INPP4B: variants seen among roughly 807,000 people sequenced by gnomAD.
INPP4B encodes the protein inositol polyphosphate-4-phosphatase type II B, also known as inositol polyphosphate 4-phosphatase type II.
A neutral mutation model predicts 122.5 loss-of-function variants in INPP4B; 55 were observed. The ratio of observed to expected loss-of-function variants is 0.45; its 90% CI spans 0.36 to 0.56. The LOEUF (loss-of-function observed/expected upper bound fraction) is 0.56, where lower values mean the gene tolerates loss of function less well. Ranked by LOEUF, INPP4B falls within the 20% of genes least tolerant of loss-of-function variation. The pLI is 0.00. For synonymous variants in INPP4B, 403 were observed against 388.7 expected (o/e 1.04, Z -0.43); for missense variants, 1,000 against 1,097.7 (o/e 0.91, Z 1.26).
chr4:142,313,758 G>A (rs1405330859), intron 8 of INPP4B, among the ~76,000 whole-genome samples: 5 of 152,216 alleles, frequency 3.3e-5, no homozygotes, highest in African/African-American at 1.2e-4. Flanking sequence ...TAGTCCCAAG[G>A]AAGAGATGAG....
intron 25 of INPP4B, among the ~76,000 whole-genome samples, chr4:142,047,387 A>C (rs1484577387): frequency 2.0e-5 from 3 of 152,092 alleles, no homozygotes; most frequent in African/African-American, 7.2e-5. Flanking sequence ...CAGAGCTTGG[A>C]AAAAGGGTAT....
At chr4:142,106,606 G>T (rs1180534854) in intron 23 of INPP4B, among the ~76,000 whole-genome samples, 1 of 152,150 alleles carries the variant, frequency 6.6e-6, no homozygotes, top group Admixed American at 6.6e-5. Flanking sequence ...ATTGTTTTAA[G>T]TATAGCACTG....
chr4:142,692,060 C>G (rs1760262321), intron 2 of INPP4B, among the ~76,000 whole-genome samples: 1 of 152,150 alleles, frequency 6.6e-6, no homozygotes. Context: ...CTCTGTCCCA[C>G]TAAAGATTTT....
intron 7 of INPP4B, among the ~76,000 whole-genome samples, chr4:142,324,363 A>G (rs990379004): frequency 5.9e-5 from 9 of 152,116 alleles, no homozygotes; most frequent in African/African-American, 1.9e-4. Flanking sequence ...TGTGTTTTCA[A>G]CCAACAGCCT....
At chr4:142,155,567 C>T (rs1479152402) in intron 17 of INPP4B, among the ~76,000 whole-genome samples, 1 of 152,068 alleles carries the variant, frequency 6.6e-6, no homozygotes, top group Non-Finnish European at 1.5e-5. Context: ...CCTAGTGTTC[C>T]ATTATTGGAA....
At chr4:142,414,743 T>C (rs987096870) in intron 5 of INPP4B, among the ~76,000 whole-genome samples, 3 of 152,144 alleles carry the variant, frequency 2.0e-5, no homozygotes, top group Admixed American at 1.3e-4. Context: ...TCTTTTCTGG[T>C]TGTGATATCC....
intron 2 of INPP4B, among the ~76,000 whole-genome samples, chr4:142,465,269 T>G (rs1467593027): frequency 6.6e-6 from 1 of 152,192 alleles, no homozygotes; most frequent in Admixed American, 6.5e-5. Flanking sequence ...ATGGGGTCAT[T>G]CATTACTTGT....
At chr4:142,369,797 GGT>G (rs1789117276) in intron 7 of INPP4B, among the ~76,000 whole-genome samples, 1 of 151,256 alleles carries the variant, frequency 6.6e-6, no homozygotes, top group South Asian at 2.1e-4. Flanking sequence ...CAGGTGTGGT[GGT>G]GGGTACCTGT....
intron 25 of INPP4B, among the ~76,000 whole-genome samples, chr4:142,053,148 G>A (rs1755587220): frequency 6.6e-6 from 1 of 151,966 alleles, no homozygotes; most frequent in African/African-American, 2.4e-5. Flanking sequence ...CGGCCAACAG[G>A]GACTGCGTGT....
In INPP4B at chr4:142,061,340, G is replaced by A. The variant is rs561609756; in HGVS notation, c.2642+20691C>T. Reference sequence around the variant, plus strand: ...GCAGGGTCACTAGGTAATCTCCAAGGTCCTTTCCAAATGCTGCAGTCTTAA... The same window carrying A: ...GCAGGGTCACTAGGTAATCTCCAAGATCCTTTCCAAATGCTGCAGTCTTAA... On this transcript the variant is annotated intron_variant, in intron 25 of 25. Coordinates refer to ENST00000262992, the MANE Select transcript of INPP4B (RefSeq NM_001101669.3). 3.5e-4 allele frequency among the ~76,000 whole-genome samples: 54 copies of A among 152,164 alleles called. No homozygotes were observed. In the South Asian group the frequency reaches 7.7e-3, roughly 22 times the overall value.
chr4:142,274,153 T>C (rs1747251804), intron 9 of INPP4B, among the ~76,000 whole-genome samples: 1 of 151,860 alleles, frequency 6.6e-6, no homozygotes, highest in Non-Finnish European at 1.5e-5. Flanking sequence ...GCTTAATCAT[T>C]ATTCATCACC....
chr4:142,669,139 C>T lies in INPP4B; in HGVS notation c.-191+56700G>A, dbSNP rs148595066. ...AGGTGAGAGATCTGTACACTGAAAC[C>T]GTAAAATATTGATGAAAGAACTTTA... On this transcript the variant is annotated intron_variant, in intron 2 of 25. Coordinates refer to ENST00000262992, the MANE Select transcript of INPP4B (RefSeq NM_001101669.3). 1.8e-3 allele frequency among the ~76,000 whole-genome samples: 266 copies of T among 151,918 alleles called. 1 individual carries two copies. The highest frequency in any genetic ancestry group is 3.0e-3 in the Non-Finnish European group (206 of 67,962).
intron 7 of INPP4B, among the ~76,000 whole-genome samples, chr4:142,324,142 A>G (rs1408120697): frequency 1.3e-5 from 2 of 152,172 alleles, no homozygotes; most frequent in African/African-American, 4.8e-5. Context: ...AGACCATGCA[A>G]AGAGGCAGCA....
At chr4:142,413,661 C>T (rs1455766082) in intron 5 of INPP4B, among the ~76,000 whole-genome samples, 1 of 152,184 alleles carries the variant, frequency 6.6e-6, no homozygotes, top group Non-Finnish European at 1.5e-5. Context: ...TGTTAGCTCA[C>T]ATCTAGAACA....
intron 2 of INPP4B, chr4:142,560,440 TAGG>T (rs1388419232): frequency 6.6e-6 from 1 of 152,170 alleles, no homozygotes; most frequent in Non-Finnish European, 1.5e-5. Context: ...GGGAGTTTAT[TAGG>T]AGAATTGACT....
intron 23 of INPP4B, among the ~76,000 whole-genome samples, chr4:142,104,667 A>C: frequency 6.6e-6 from 1 of 152,084 alleles, no homozygotes; most frequent in East Asian, 1.9e-4. Flanking sequence ...TCAGATATAC[A>C]AGTTGTCCCT....
chr4:142,176,118 TTTATTA>T (rs146074826), intron 15 of INPP4B, among the ~76,000 whole-genome samples: 251 of 137,610 alleles, frequency 1.8e-3, no homozygotes, highest in African/African-American at 5.5e-3. Context: ...ACTGCTTTCT[TTTATTA>T]TTATTATTAT....
intron 2 of INPP4B, among the ~76,000 whole-genome samples, chr4:142,539,693 C>T (rs555799880): frequency 6.6e-6 from 1 of 152,022 alleles, no homozygotes; most frequent in South Asian, 2.1e-4. Context: ...CATTCACCAG[C>T]TCTGATGTTA....
At chr4:142,103,804 AAC>A (rs138777974) in intron 23 of INPP4B, among the ~76,000 whole-genome samples, 4,192 of 151,688 alleles carry the variant, frequency 0.028, 67 homozygotes, top group Middle Eastern at 0.044. Flanking sequence ...ATTGTTCATA[AAC>A]ACACACACAC....
Sources: gnomAD v4.1 joint callset for allele counts (sites outside exome capture counted in the v4.1 genomes callset) on GRCh38, gnomAD v4.1.1 for gene constraint, MANE v1.5 for transcripts, NCBI Gene and HGNC (gene_info 2026-07-23, HGNC 2026-07-21) for gene names.